The following SHC3 variants were observed in gnomAD, a reference collection of about 807,000 sequenced individuals.
SHC3 encodes SHC-transforming protein 3.
A neutral mutation model predicts 60.4 loss-of-function variants in SHC3; 15 were observed. That is an observed-to-expected ratio of 0.25 (90% CI 0.17 to 0.38). SHC3 has a LOEUF of 0.38. Among genes scored for constraint, SHC3 ranks in the 10% least tolerant of loss-of-function variants. SHC3 has a pLI of 1.00. For synonymous variants in SHC3, 294 were observed against 325.9 expected (o/e 0.90, Z 1.05); for missense variants, 677 against 786.1 (o/e 0.86, Z 1.66).
intron 1 of SHC3, among the ~76,000 whole-genome samples, chr9:89,114,667 A>G (rs1825997339): frequency 6.6e-6 from 1 of 152,122 alleles, no homozygotes; most frequent in Admixed American, 6.6e-5. Context: ...GGTGATGAGT[A>G]TATTTATATA....
intron 11 of SHC3, among the ~76,000 whole-genome samples, chr9:89,016,635 G>A (rs2118636841): frequency 6.6e-6 from 1 of 152,234 alleles, no homozygotes; most frequent in Non-Finnish European, 1.5e-5. Flanking sequence ...ATCTTTCTCA[G>A]AAGATAGAAT....
At position 89,005,961 on chromosome 9, in the gene SHC3, T is replaced by G. The variant is rs1394014301; in HGVS notation, c.*7486A>C. Reference sequence around the variant, plus strand: ...AATTAAATCACCAGTTTCATGCTTTTAAGTTGTATCTACAAGTGCAAAACT... The same window carrying G: ...AATTAAATCACCAGTTTCATGCTTTGAAGTTGTATCTACAAGTGCAAAACT... On this transcript the variant is annotated 3_prime_UTR_variant, in exon 12 of 12. Coordinates refer to ENST00000375835, the MANE Select transcript of SHC3 (RefSeq NM_016848.6). 1 of 152,262 alleles carries G rather than the reference T, an allele frequency of 6.6e-6. No individual in the cohort carries two copies. Among genetic ancestry groups the G allele is most frequent in the African/African-American group, 2.4e-5 (1 of 41,468 alleles). 9.4% of individuals were successfully genotyped at this position (152,262 alleles called of 1,614,324 possible). A position where few individuals can be genotyped will look rare whatever the true frequency, so the allele number is the denominator to read the frequency against.
In SHC3 at chr9:89,040,731, G is replaced by A. The variant is rs138741310; in HGVS notation, c.1360+1295C>T. Among the ~76,000 whole-genome samples, 671 of 152,336 alleles carry A rather than the reference G, an allele frequency of 4.4e-3. 4 individuals are homozygous for A. The highest frequency in any genetic ancestry group is 0.015 in the African/African-American group (633 of 41,574). Reference sequence around the variant, plus strand: ...TTTTTAAAAATAAAGGCACTGGCGGGACTGAATTAGGTGATCTAGCATTGA... The same window carrying A: ...TTTTTAAAAATAAAGGCACTGGCGGAACTGAATTAGGTGATCTAGCATTGA... On this transcript the variant is annotated intron_variant, in intron 10 of 11. Coordinates refer to ENST00000375835, the MANE Select transcript of SHC3 (RefSeq NM_016848.6).
chr9:89,059,129 AC>A (rs1347251237), intron 6 of SHC3, among the ~76,000 whole-genome samples: 1 of 117,502 alleles, frequency 8.5e-6, no homozygotes. Context: ...GTGGTGGAGG[AC>A]GGTGGTGGAG....
At chr9:89,082,997 T>A (rs1825470110) in intron 2 of SHC3, among the ~76,000 whole-genome samples, 1 of 152,150 alleles carries the variant, frequency 6.6e-6, no homozygotes, top group South Asian at 2.1e-4. Flanking sequence ...TTCCCACCAA[T>A]AATATTTCTC....
At chr9:89,166,753 G>C (rs1196428308) in intron 1 of SHC3, among the ~76,000 whole-genome samples, 1 of 152,124 alleles carries the variant, frequency 6.6e-6, no homozygotes, top group Non-Finnish European at 1.5e-5. Flanking sequence ...GGAAGAGAGA[G>C]GGCTTCAAGT....
intron 6 of SHC3, among the ~76,000 whole-genome samples, chr9:89,059,194 A>AGTGGTGGAGGACG (rs1825017638): frequency 8.2e-6 from 1 of 121,702 alleles, no homozygotes; most frequent in African/African-American, 3.2e-5. Context: ...GGTGGAGGAC[A>AGTGGTGGAGGACG]GTGGTGGAGG....
chr9:89,067,108 T>C (rs1028128895), intron 5 of SHC3, among the ~76,000 whole-genome samples: 1 of 152,220 alleles, frequency 6.6e-6, no homozygotes, highest in Non-Finnish European at 1.5e-5. Flanking sequence ...ACAGGCTGAC[T>C]AGGGAAAGGA....
Position 89,042,189 on chromosome 9 carries a change from A to G in SHC3, c.1202-5T>C. On this transcript the variant is annotated splice_region_variant and splice_polypyrimidine_tract_variant and intron_variant, in intron 9 of 11. Coordinates refer to ENST00000375835, the MANE Select transcript of SHC3 (RefSeq NM_016848.6). ...TGCTGTAGATGTCCGAGGACCCTGC[A>G]ACAAGAAAGTGAGCCCCTTTTCTTT... 3 of 1,494,010 alleles carry G rather than the reference A, an allele frequency of 2.0e-6. No homozygotes were observed. The highest frequency in any genetic ancestry group is 2.7e-6 in the Non-Finnish European group (3 of 1,126,568). The allele number at this position is 1,494,010 out of a possible 1,614,324, so 92.5% of individuals were successfully genotyped here.
rs142566768 is a variant in SHC3, at chr9:89,109,547, T to C, written c.545+3009A>G. 531 of 985,498 alleles carry C rather than the reference T, an allele frequency of 5.4e-4. 10 individuals are homozygous for C. The Admixed American group carries it at 0.027, about 51-fold the overall frequency. 61.0% of individuals were successfully genotyped at this position (985,498 alleles called of 1,614,324 possible). ...GCCAGAAGTGACCTGAGAGCTGAGT[T>C]TTGCCAAGCCTTCCAAGTGAACTCT... On this transcript the variant is annotated intron_variant, in intron 2 of 11. Coordinates refer to ENST00000375835, the MANE Select transcript of SHC3 (RefSeq NM_016848.6).
At chr9:89,142,122 A>T (rs1424002014) in intron 1 of SHC3, among the ~76,000 whole-genome samples, 1 of 152,160 alleles carries the variant, frequency 6.6e-6, no homozygotes, top group Middle Eastern at 3.2e-3. Flanking sequence ...AGGAATTAAC[A>T]TCCCATGGTG....
At position 89,082,427 on chromosome 9, in the gene SHC3, CACAGCCACTCCTGCTGCAT is replaced by C. The variant is rs550472800; in HGVS notation, c.546-4543_546-4525del. Among the ~76,000 whole-genome samples the C allele has an allele frequency of 1.3e-3, 198 of 152,314 alleles. 1 individual carries two copies. Among genetic ancestry groups the C allele is most frequent in the African/African-American group, 4.7e-3 (194 of 41,572 alleles). On this transcript the variant is annotated intron_variant, in intron 2 of 11. Transcript: ENST00000375835. Reference sequence around the variant, plus strand: ...AGCAGGAGGGCAGTTGCTCCTCAAACACAGCCACTCCTGCTGCATGCTTCCCTGTGTGAGTTGGACATCG... The same window carrying C: ...AGCAGGAGGGCAGTTGCTCCTCAAACGCTTCCCTGTGTGAGTTGGACATCG...
intron 1 of SHC3, among the ~76,000 whole-genome samples, chr9:89,122,960 G>T (rs1216359296): frequency 6.6e-6 from 1 of 152,232 alleles, no homozygotes; most frequent in East Asian, 1.9e-4. Flanking sequence ...GAGGCAGGAG[G>T]CAAGGCTCAA....
chr9:89,172,509 TCACA>T (rs1228135764), intron 1 of SHC3, among the ~76,000 whole-genome samples: 3 of 150,588 alleles, frequency 2.0e-5, no homozygotes, highest in Non-Finnish European at 4.4e-5. Context: ...CCACACCCCA[TCACA>T]CACACACAGA....
intron 2 of SHC3, among the ~76,000 whole-genome samples, chr9:89,099,422 A>G (rs1280513074): frequency 6.6e-6 from 1 of 152,228 alleles, no homozygotes; most frequent in African/African-American, 2.4e-5. Context: ...GTGCTTTTCT[A>G]TGGAATATCA....
At chr9:89,053,901 C>T (rs1199303752) in intron 6 of SHC3, among the ~76,000 whole-genome samples, 4 of 152,194 alleles carry the variant, frequency 2.6e-5, no homozygotes, top group Admixed American at 6.5e-5. Context: ...TGAGACACCT[C>T]GTTCCCCTGA....
chr9:89,133,416 T>C (rs918803338), intron 1 of SHC3, among the ~76,000 whole-genome samples: 1 of 152,204 alleles, frequency 6.6e-6, no homozygotes, highest in Non-Finnish European at 1.5e-5. Flanking sequence ...ACTAGGTATA[T>C]ACCCAAAGGA....
chr9:89,163,511 G>T (rs1393848163), intron 1 of SHC3, among the ~76,000 whole-genome samples: 1 of 142,006 alleles, frequency 7.0e-6, no homozygotes, highest in Non-Finnish European at 1.5e-5. Context: ...ACCAAACACC[G>T]CATATTCTCA....
At chr9:89,158,245 C>A (rs1564187509) in intron 1 of SHC3, among the ~76,000 whole-genome samples, 1 of 151,890 alleles carries the variant, frequency 6.6e-6, no homozygotes, top group Non-Finnish European at 1.5e-5. Context: ...TCCTTTGAAG[C>A]TTCTCCTTTG....
Sources: gnomAD v4.1 joint callset for allele counts (sites outside exome capture counted in the v4.1 genomes callset) on GRCh38, gnomAD v4.1.1 for gene constraint, MANE v1.5 for transcripts, NCBI Gene and HGNC (gene_info 2026-07-23, HGNC 2026-07-21) for gene names.